CYRIB: variants seen among roughly 807,000 people sequenced by gnomAD.
CYRIB encodes CYFIP related Rac1 interactor B.
A neutral mutation model predicts 44.2 loss-of-function variants in CYRIB; 8 were observed. That is an observed-to-expected ratio of 0.18 (90% CI 0.11 to 0.33). The LOEUF is 0.33. CYRIB is among the 10% of genes least tolerant of loss of function. The pLI is 1.00. For synonymous variants in CYRIB, 131 were observed against 127.2 expected (o/e 1.03, Z -0.20); for missense variants, 185 against 382.8 (o/e 0.48, Z 4.31).
At chr8:129,869,823 T>G (rs950235053) in intron 4 of CYRIB, among the ~76,000 whole-genome samples, 6 of 152,068 alleles carry the variant, frequency 3.9e-5, no homozygotes, top group Non-Finnish European at 8.8e-5. Flanking sequence ...GAAACCAGGT[T>G]TACCTTCCTC....
intron 1 of CYRIB, among the ~76,000 whole-genome samples, chr8:129,996,075 T>C (rs982798201): frequency 2.0e-5 from 3 of 152,146 alleles, no homozygotes; most frequent in Non-Finnish European, 4.4e-5. Flanking sequence ...CGCTTACCAT[T>C]TGCACTGCAC....
chr8:129,977,994 G>A (rs909396206), intron 1 of CYRIB, among the ~76,000 whole-genome samples: 3 of 152,126 alleles, frequency 2.0e-5, no homozygotes, highest in South Asian at 4.1e-4. Context: ...CTGTGGCCTC[G>A]AACTCCGGGG....
At chr8:129,986,717 T>C (rs182330215) in intron 1 of CYRIB, among the ~76,000 whole-genome samples, 11 of 152,338 alleles carry the variant, frequency 7.2e-5, no homozygotes, top group African/African-American at 2.4e-4. Flanking sequence ...CCCTCAACCA[T>C]GGACATCTCA....
chr8:129,945,672 G>A (rs553253605), intron 2 of CYRIB, among the ~76,000 whole-genome samples: 8 of 152,198 alleles, frequency 5.3e-5, no homozygotes, highest in African/African-American at 1.4e-4. Flanking sequence ...GAGTTCAAGC[G>A]ACTTTCCTGC....
chr8:130,000,873 GA>G (rs113134197), intron 1 of CYRIB, among the ~76,000 whole-genome samples: 9,238 of 148,176 alleles, frequency 0.062, 328 homozygotes, highest in Non-Finnish European at 0.078. Context: ...GTTTCTAAAA[GA>G]AAAAAAAAAT....
At chr8:129,866,249 A>C (rs2053481185) in intron 4 of CYRIB, among the ~76,000 whole-genome samples, 1 of 152,224 alleles carries the variant, frequency 6.6e-6, no homozygotes. Flanking sequence ...ATTTGTTTTT[A>C]TCACGTTTTT....
chr8:129,974,117 C>T (rs569185269), intron 1 of CYRIB, among the ~76,000 whole-genome samples: 1 of 152,160 alleles, frequency 6.6e-6, no homozygotes, highest in East Asian at 1.9e-4. Context: ...GACCCAGAAT[C>T]CAGCCGACCC....
chr8:129,871,790 T>A (rs573869864), intron 3 of CYRIB, among the ~76,000 whole-genome samples: 1 of 152,304 alleles, frequency 6.6e-6, no homozygotes, highest in South Asian at 2.1e-4. Flanking sequence ...ATAATTAAAA[T>A]TTTTAATTGT....
chr8:129,971,800 TAC>T (rs1173986826), intron 1 of CYRIB, among the ~76,000 whole-genome samples: 2 of 152,152 alleles, frequency 1.3e-5, no homozygotes, highest in African/African-American at 4.8e-5. Context: ...CACAAACAGG[TAC>T]ATTACGCCAG....
chr8:129,872,149 A>T lies in CYRIB; in HGVS notation c.74-653T>A, dbSNP rs79699211. Among the ~76,000 whole-genome samples, 7 of 152,264 alleles carry T rather than the reference A, an allele frequency of 4.6e-5. No homozygotes were observed. The East Asian group carries it at 1.3e-3, about 29-fold the overall frequency. ...CTGAACTATTCTGCTGATGAACAGA[A>T]GGTCAAGAATCCTGTGCAGAGGATT... On this transcript the variant is annotated intron_variant, in intron 3 of 11. Transcript: ENST00000519824.
At chr8:129,841,649 G>GT (rs2036356962) in exon 12 of CYRIB, 1 of 153,014 alleles carries the variant, frequency 6.5e-6, no homozygotes, top group Non-Finnish European at 1.5e-5. Context: ...TTAAACAAAA[G>GT]TATTACTAAT....
intron 5 of CYRIB, among the ~76,000 whole-genome samples, chr8:129,860,680 G>T (rs1227767008): frequency 6.6e-6 from 1 of 151,816 alleles, no homozygotes; most frequent in Non-Finnish European, 1.5e-5. Flanking sequence ...TTCAACTTCA[G>T]AAGTTACAAA....
At chr8:130,011,400 A>G (rs533395304) in intron 1 of CYRIB, among the ~76,000 whole-genome samples, 1 of 152,304 alleles carries the variant, frequency 6.6e-6, no homozygotes, top group African/African-American at 2.4e-5. Context: ...ACGCGCCTGT[A>G]ATCCCAGCTA....
intron 1 of CYRIB, among the ~76,000 whole-genome samples, chr8:129,986,292 G>A (rs1038613552): frequency 6.6e-6 from 1 of 152,134 alleles, no homozygotes; most frequent in East Asian, 1.9e-4. Context: ...TAGTTCAGTG[G>A]CCCCGAGGAC....
At chr8:129,920,368 G>C (rs898945483) in intron 1 of CYRIB, among the ~76,000 whole-genome samples, 3 of 152,006 alleles carry the variant, frequency 2.0e-5, no homozygotes, top group African/African-American at 7.2e-5. Flanking sequence ...TATCAGATAG[G>C]TTCATTTCTC....
At chr8:129,980,637 C>G (rs2096191517) in intron 1 of CYRIB, among the ~76,000 whole-genome samples, 1 of 151,098 alleles carries the variant, frequency 6.6e-6, no homozygotes, top group South Asian at 2.1e-4. Flanking sequence ...GCACTCCAGC[C>G]TGGGCCACGG....
intron 1 of CYRIB, among the ~76,000 whole-genome samples, chr8:129,976,093 A>G (rs533859743): frequency 6.6e-6 from 1 of 150,738 alleles, no homozygotes; most frequent in Admixed American, 6.6e-5. Context: ...TTAATTAAAC[A>G]AAAAAAAAAT....
Position 130,011,065 on chromosome 8 carries a change from T to G in CYRIB, c.-296+5305A>C, listed in dbSNP as rs75861515. Reference sequence around the variant, plus strand: ...GGCCTTAGCAGGTCTCACTAAAACATAGCCCATCATTAACCAAAAGAGATC... The same window carrying G: ...GGCCTTAGCAGGTCTCACTAAAACAGAGCCCATCATTAACCAAAAGAGATC... On this transcript the variant is annotated intron_variant, in intron 1 of 14. Transcript: ENST00000401979. Among the ~76,000 whole-genome samples the G allele has an allele frequency of 5.8e-3, 885 of 152,064 alleles. 12 individuals carry two copies. Among genetic ancestry groups the G allele is most frequent in the African/African-American group, 0.019 (804 of 41,488 alleles).
chr8:129,906,862 C>G (rs1271774472), intron 1 of CYRIB, among the ~76,000 whole-genome samples: 4 of 152,202 alleles, frequency 2.6e-5, no homozygotes, highest in Non-Finnish European at 4.4e-5. Flanking sequence ...CTCATCATCA[C>G]TGGCCATCAG....
Sources: gnomAD v4.1 joint callset for allele counts (sites outside exome capture counted in the v4.1 genomes callset) on GRCh38, gnomAD v4.1.1 for gene constraint, MANE v1.5 for transcripts, NCBI Gene and HGNC (gene_info 2026-07-23, HGNC 2026-07-21) for gene names.